Variants in APOOL observed in about 807,000 individuals in gnomAD.
APOOL encodes MICOS complex subunit MIC27.
APOOL carries 12 observed loss-of-function variants against 23.1 expected under a neutral mutation model. That is an observed-to-expected ratio of 0.52 (90% CI 0.33 to 0.84). APOOL has a LOEUF of 0.84. APOOL is among the 40% of genes least tolerant of loss of function. APOOL has a pLI of 0.02. For missense variants in APOOL, 212 were observed against 199.6 expected, an observed-to-expected ratio of 1.06 and a Z score of -0.37; for synonymous variants, 77 against 69.9, an observed-to-expected ratio of 1.10 and a Z score of -0.51.
chrX:85,017,251 C>T (rs1055949691), intron 1 of APOOL, among the ~76,000 whole-genome samples: 2 of 111,212 alleles, frequency 1.8e-5, no homozygotes, highest in Non-Finnish European at 3.8e-5. Context: ...TTATGGCTGC[C>T]TCTGCTGTGC....
intron 8 of APOOL, among the ~76,000 whole-genome samples, chrX:85,083,270 T>A (rs1924176906): frequency 9.0e-6 from 1 of 110,891 alleles, no homozygotes; most frequent in African/African-American, 3.3e-5. Context: ...AATATAACAA[T>A]AACAGCAGAC....
intron 5 of APOOL, among the ~76,000 whole-genome samples, chrX:85,059,191 T>G (rs1245960069): frequency 9.1e-6 from 1 of 109,888 alleles, no homozygotes; most frequent in Non-Finnish European, 1.9e-5. Context: ...TCCATGTCCC[T>G]ACAAAGGACA....
At chrX:85,077,565 CAT>C (rs1467882322) in intron 8 of APOOL, among the ~76,000 whole-genome samples, 4 of 111,498 alleles carry the variant, frequency 3.6e-5, no homozygotes, top group East Asian at 2.8e-4. Flanking sequence ...CCACAATAAA[CAT>C]ATGTGTACAT....
At chrX:85,016,224 T>G (rs1602740676) in intron 1 of APOOL, among the ~76,000 whole-genome samples, 1 of 100,251 alleles carries the variant, frequency 1.0e-5, no homozygotes, top group Non-Finnish European at 2.0e-5. Flanking sequence ...GGAATTGAGG[T>G]TTTTGCCATT....
chrX:85,082,422 G>A (rs1259995929), intron 8 of APOOL, among the ~76,000 whole-genome samples: 1 of 110,918 alleles, frequency 9.0e-6, no homozygotes, highest in African/African-American at 3.3e-5. Context: ...ACCGAGCGGA[G>A]GCTGCAGAAC....
chrX:85,040,579 T>TTTTG (rs1169968752), intron 1 of APOOL, among the ~76,000 whole-genome samples: 2 of 111,475 alleles, frequency 1.8e-5, no homozygotes, highest in Non-Finnish European at 3.8e-5. Context: ...TTTCCAGAGG[T>TTTTG]TTTGTTCCTT....
chrX:85,044,940 T>TA (rs1922526270), intron 1 of APOOL, among the ~76,000 whole-genome samples: 1 of 111,801 alleles, frequency 8.9e-6, no homozygotes, highest in South Asian at 3.7e-4. Flanking sequence ...AGTAGTCTCT[T>TA]AAGAAGAAGT....
chrX:85,063,253 G>A (rs1283606672), intron 5 of APOOL, among the ~76,000 whole-genome samples: 2 of 111,768 alleles, frequency 1.8e-5, no homozygotes, highest in African/African-American at 3.3e-5. Context: ...AGCTTAAGAA[G>A]CTTTTGGGCT....
At chrX:85,008,665 C>G (rs1921165613) in intron 1 of APOOL, among the ~76,000 whole-genome samples, 1 of 109,231 alleles carries the variant, frequency 9.2e-6, no homozygotes. Flanking sequence ...GTGAATAATA[C>G]TGCAGTGAAT....
chrX:85,036,801 G>A (rs1922231814), intron 1 of APOOL, among the ~76,000 whole-genome samples: 1 of 110,827 alleles, frequency 9.0e-6, no homozygotes, highest in African/African-American at 3.3e-5. Context: ...CACGTCACCT[G>A]AGCAGTGTAC....
intron 8 of APOOL, among the ~76,000 whole-genome samples, chrX:85,083,817 G>T (rs1408764445): frequency 9.0e-6 from 1 of 111,604 alleles, no homozygotes; most frequent in Non-Finnish European, 1.9e-5. Flanking sequence ...GATATTATCA[G>T]ATATCACATA....
chrX:85,016,282 C>T (rs1455770748), intron 1 of APOOL, among the ~76,000 whole-genome samples: 2 of 105,556 alleles, frequency 1.9e-5, no homozygotes, highest in Non-Finnish European at 3.9e-5. Flanking sequence ...TAATGCCCAA[C>T]TGTGGGCCAA....
chrX:85,086,873 G>C (rs754685335), intron 8 of APOOL, among the ~76,000 whole-genome samples: 1 of 97,892 alleles, frequency 1.0e-5, no homozygotes, highest in East Asian at 3.2e-4. Context: ...CTAATTTTTT[G>C]TATTTTTAGT....
In APOOL at chrX:85,088,146, G is replaced by A. The variant is rs1442405430; in HGVS notation, c.*468G>A. 9.8e-5 allele frequency: 2 copies of A among 20,482 alleles called. No individual in the cohort carries two copies. Among genetic ancestry groups the A allele is most frequent in the African/African-American group, 6.0e-4 (2 of 3,327 alleles). 1.7% of individuals were successfully genotyped at this position (20,482 alleles called of 1,213,427 possible). On this transcript the variant is annotated 3_prime_UTR_variant, in exon 9 of 9. Transcript: ENST00000373173. ...AATACATACATATTTATACATATAT[G>A]TATAAATACATACATATTTATACAT...
Position 85,093,139 on chromosome X carries a change from A to T in APOOL, c.*5461A>T. ...ATTTATGCCCTGTGAATATTTATTA[A>T]GAAAAGGTTAATGTATAGAATATCA... On this transcript the variant is annotated 3_prime_UTR_variant, in exon 9 of 9. Transcript: ENST00000373173. 1 of 1,095,905 alleles carries T rather than the reference A, an allele frequency of 9.1e-7. No individual in the cohort carries two copies. The highest frequency in any genetic ancestry group is 1.2e-6 in the Non-Finnish European group (1 of 816,839). The allele number at this position is 1,095,905 out of a possible 1,213,427, so 90.3% of individuals were successfully genotyped here. A position where few individuals can be genotyped will look rare whatever the true frequency, so the allele number is the denominator to read the frequency against.
chrX:85,064,001 G>A (rs1368083294), intron 5 of APOOL, among the ~76,000 whole-genome samples: 1 of 110,660 alleles, frequency 9.0e-6, no homozygotes, highest in Admixed American at 9.7e-5. Flanking sequence ...AATGCATCTG[G>A]TCCTGAGCTT....
intron 1 of APOOL, among the ~76,000 whole-genome samples, chrX:85,034,617 C>T (rs1449659361): frequency 9.0e-6 from 1 of 111,507 alleles, no homozygotes; most frequent in African/African-American, 3.3e-5. Flanking sequence ...TTCTCCCTCC[C>T]TCCCCCATCT....
Position 85,087,531 on chromosome X carries a change from G to A in APOOL, c.719-59G>A. ...TGGTTTGTTCGCTGCTGTCTTCCCAGTATCAAAAATAAATTTGTTAAGTGA... is the reference window on the plus strand; with the variant it reads ...TGGTTTGTTCGCTGCTGTCTTCCCAATATCAAAAATAAATTTGTTAAGTGA... On this transcript the variant is annotated intron_variant, in intron 8 of 8. Coordinates refer to ENST00000373173, the MANE Select transcript of APOOL (RefSeq NM_198450.6). 3.9e-6 allele frequency: 4 copies of A among 1,014,346 alleles called. No individual in the cohort carries two copies. The Admixed American group carries it at 1.1e-4, about 28-fold the overall frequency. 83.6% of individuals were successfully genotyped at this position (1,014,346 alleles called of 1,213,427 possible). A position where few individuals can be genotyped will look rare whatever the true frequency, so the allele number is the denominator to read the frequency against.
At chrX:85,086,769 G>T (rs948214156) in intron 8 of APOOL, among the ~76,000 whole-genome samples, 1 of 84,575 alleles carries the variant, frequency 1.2e-5, no homozygotes, top group African/African-American at 4.6e-5. Flanking sequence ...GCGCGATCTC[G>T]GCTCACTGCA....
Sources: gnomAD v4.1 joint callset for allele counts (sites outside exome capture counted in the v4.1 genomes callset) on GRCh38, gnomAD v4.1.1 for gene constraint, MANE v1.5 for transcripts, NCBI Gene and HGNC (gene_info 2026-07-23, HGNC 2026-07-21) for gene names.